The following CD44 variants were observed in gnomAD, a reference collection of about 807,000 sequenced individuals.
The protein encoded by CD44 is CD44 molecule (IN blood group).
In CD44, 49 loss-of-function variants were observed where a neutral mutation model predicts 88.8. The observed-to-expected ratio is 0.55, with a 90% CI of 0.44 to 0.70. The LOEUF (loss-of-function observed/expected upper bound fraction) is 0.70. Among genes scored for constraint, CD44 ranks in the 30% least tolerant of loss-of-function variants. CD44 has a pLI of 0.00. For missense variants in CD44, 883 were observed against 913.8 expected, an observed-to-expected ratio of 0.97 and a Z score of 0.43; for synonymous variants, 325 against 312.3, an observed-to-expected ratio of 1.04 and a Z score of -0.43.
chr11:35,157,734 G>T (rs370138526), intron 1 of CD44, among the ~76,000 whole-genome samples: 2 of 152,270 alleles, frequency 1.3e-5, no homozygotes, highest in South Asian at 2.1e-4. Context: ...TTCCTGCAAG[G>T]GCATCACCCC....
At chr11:35,140,168 T>C (rs1290152410) in intron 1 of CD44, among the ~76,000 whole-genome samples, 1 of 152,224 alleles carries the variant, frequency 6.6e-6, no homozygotes, top group Non-Finnish European at 1.5e-5. Flanking sequence ...AGAGCCTTGA[T>C]ACCAGGGCAA....
chr11:35,207,291 T>C (rs368980966), intron 11 of CD44, among the ~76,000 whole-genome samples: 1 of 152,234 alleles, frequency 6.6e-6, no homozygotes, highest in Non-Finnish European at 1.5e-5. Context: ...ATTCTGGTGC[T>C]TCACTGGGAC....
rs139629241 is a variant in CD44 at position 35,167,005 on chromosome 11, A to G, written c.68-9570A>G. Among the ~76,000 whole-genome samples, 1,444 of 152,352 alleles carry G rather than the reference A, an allele frequency of 9.5e-3. 20 individuals carry two copies. The highest frequency in any genetic ancestry group is 0.032 in the African/African-American group (1,350 of 41,576). ...AGGAGATGGGGGCGAGTGATGTGCCAGCCTTCTAGACTGGCAGGCCTGGGG... is the reference window on the plus strand; with the variant it reads ...AGGAGATGGGGGCGAGTGATGTGCCGGCCTTCTAGACTGGCAGGCCTGGGG... On this transcript the variant is annotated intron_variant, in intron 1 of 17. Transcript: ENST00000428726.
chr11:35,226,430 C>A (rs571142655), intron 17 of CD44, among the ~76,000 whole-genome samples: 5 of 152,322 alleles, frequency 3.3e-5, no homozygotes, highest in Admixed American at 3.3e-4. Context: ...GGAAGTAACA[C>A]AAGCAGTATT....
intron 1 of CD44, among the ~76,000 whole-genome samples, chr11:35,143,508 A>T (rs754798598): frequency 6.6e-6 from 1 of 152,092 alleles, no homozygotes; most frequent in Non-Finnish European, 1.5e-5. Flanking sequence ...TTGCCCCAGG[A>T]TCCAGTGGTG....
At chr11:35,204,311 T>A (rs1947607680) in intron 9 of CD44, among the ~76,000 whole-genome samples, 1 of 152,206 alleles carries the variant, frequency 6.6e-6, no homozygotes, top group Non-Finnish European at 1.5e-5. Flanking sequence ...TGGACCACAA[T>A]TTTCCTAGCT....
intron 2 of CD44, among the ~76,000 whole-genome samples, chr11:35,177,413 C>T (rs537592903): frequency 2.0e-5 from 3 of 152,296 alleles, no homozygotes; most frequent in South Asian, 2.1e-4. Context: ...TTGCGGTAAG[C>T]GGTGCACAAG....
rs780046832 is a variant in CD44 at position 35,211,308 on chromosome 11, C to G, written c.1669C>G (p.Leu557Val). ...TCATTCTGAAGGCTCAACTACTTTA[C>G]TGGAAGGTTATACCTCTCATTACCC... Reference protein sequence around the residue: ...PNHSEGSTTLLEGYTSHYPHT... With the variant: ...PNHSEGSTTLVEGYTSHYPHT... Residue 557 changes from leucine (L) to valine (V), a missense_variant, in exon 14 of 18, where the codon CTG becomes GTG. Physicochemically the swap from Leu to Val is conservative, Grantham distance 32. Coordinates refer to ENST00000428726, the MANE Select transcript of CD44 (RefSeq NM_000610.4). 5 of 1,613,974 alleles carry G rather than the reference C, an allele frequency of 3.1e-6. No individual in the cohort carries two copies. Among genetic ancestry groups the G allele is most frequent in the Non-Finnish European group, 4.2e-6 (5 of 1,179,892 alleles).
At chr11:35,200,238 A>C (rs1293308072) in intron 7 of CD44, among the ~76,000 whole-genome samples, 1 of 152,210 alleles carries the variant, frequency 6.6e-6, no homozygotes, top group African/African-American at 2.4e-5. Context: ...TGAAACAATT[A>C]GGATGGATTT....
intron 1 of CD44, among the ~76,000 whole-genome samples, chr11:35,153,618 A>T: frequency 6.6e-6 from 1 of 152,228 alleles, no homozygotes; most frequent in East Asian, 1.9e-4. Flanking sequence ...TAGACAAGAG[A>T]GGCATAGTCT....
intron 11 of CD44, among the ~76,000 whole-genome samples, chr11:35,207,845 G>T (rs1948024643): frequency 6.6e-6 from 1 of 152,198 alleles, no homozygotes; most frequent in African/African-American, 2.4e-5. Context: ...ATGCACTCAT[G>T]TGGAGTCCTT....
At position 35,230,192 on chromosome 11, in the gene CD44, G is replaced by A. The variant is rs1949987732; in HGVS notation, c.*859G>A. 1.3e-5 allele frequency: 2 copies of A among 150,414 alleles called. No homozygotes were observed. The highest frequency in any genetic ancestry group is 4.2e-4 in the South Asian group (2 of 4,804). 9.3% of individuals were successfully genotyped at this position (150,414 alleles called of 1,614,324 possible). ...GCCAAATCTCATGGAAGACCAAGGA[G>A]GGCAGCACTGTTTTTGTTTTTTGTT... On this transcript the variant is annotated 3_prime_UTR_variant, in exon 18 of 18. Transcript: ENST00000428726.
At chr11:35,208,828 C>T (rs1438085661) in intron 12 of CD44, among the ~76,000 whole-genome samples, 3 of 152,130 alleles carry the variant, frequency 2.0e-5, no homozygotes, top group African/African-American at 4.8e-5. Context: ...AGCCTAAAGT[C>T]GTTCATAATT....
In CD44 at chr11:35,161,399, C is replaced by T. The variant is rs747140696; in HGVS notation, c.68-15176C>T. Among the ~76,000 whole-genome samples, 83 of 152,172 alleles carry T rather than the reference C, an allele frequency of 5.5e-4. 1 individual carries two copies. Among genetic ancestry groups the T allele is most frequent in the Non-Finnish European group, 1.3e-4 (9 of 68,034 alleles). ...CTTTCTTGGATCTTTCCGATCCAAG[C>T]CATATGGTTACTGCAATCTCACAAT... On this transcript the variant is annotated intron_variant, in intron 1 of 17. Transcript: ENST00000428726.
chr11:35,226,785 TGAGGCTCAGA>T (rs1276415885), intron 17 of CD44, among the ~76,000 whole-genome samples: 1 of 152,004 alleles, frequency 6.6e-6, no homozygotes, highest in Non-Finnish European at 1.5e-5. Flanking sequence ...GATGCAAAAC[TGAGGCTCAGA>T]GAGGTTAAGT....
intron 4 of CD44, among the ~76,000 whole-genome samples, chr11:35,187,873 C>G (rs1186651955): frequency 6.6e-6 from 1 of 152,122 alleles, no homozygotes; most frequent in African/African-American, 2.4e-5. Flanking sequence ...TATATTCGGG[C>G]ACTTTTTAAA....
In CD44 at chr11:35,167,095, G is replaced by A. The variant is rs183684214; in HGVS notation, c.68-9480G>A. On this transcript the variant is annotated intron_variant, in intron 1 of 17. Transcript: ENST00000428726. The stretch of plus-strand genomic sequence containing the variant: ...AAAACTTCTGGGCTTTGAAGCCTTC[G>A]AACAAATGAAGAAGAAAATGACTTC... Among the ~76,000 whole-genome samples the A allele has an allele frequency of 3.7e-3, 565 of 152,290 alleles. 1 individual carries two copies. Among genetic ancestry groups the A allele is most frequent in the Non-Finnish European group, 5.0e-3 (339 of 68,026 alleles).
chr11:35,223,099 T>C (rs552158372), intron 17 of CD44: 37 of 985,324 alleles, frequency 3.8e-5, no homozygotes, highest in African/African-American at 1.7e-5. Flanking sequence ...ATCTATACCA[T>C]TGAGGGCATA....
intron 1 of CD44, among the ~76,000 whole-genome samples, chr11:35,141,876 G>C (rs1212186999): frequency 6.6e-6 from 1 of 152,210 alleles, no homozygotes; most frequent in South Asian, 2.1e-4. Flanking sequence ...GGAGAAGGAG[G>C]AAAGGGGAAG....
Sources: gnomAD v4.1 joint callset for allele counts (sites outside exome capture counted in the v4.1 genomes callset) on GRCh38, gnomAD v4.1.1 for gene constraint, MANE v1.5 for transcripts, NCBI Gene and HGNC (gene_info 2026-07-23, HGNC 2026-07-21) for gene names.